ABCC10: variants seen among roughly 807,000 people sequenced by gnomAD.
ABCC10 encodes ATP binding cassette subfamily C member 10.
ABCC10 carries 110 observed loss-of-function variants against 143.2 expected under a neutral mutation model. The ratio of observed to expected loss-of-function variants is 0.77; its 90% confidence interval spans 0.66 to 0.90. The LOEUF is 0.90. Ranked by LOEUF, ABCC10 falls within the 40% of genes least tolerant of loss-of-function variation. The pLI is 0.00. For synonymous variants in ABCC10, 805 were observed against 846.7 expected (o/e 0.95, Z 0.85); for missense variants, 1,700 against 1,900.5 (o/e 0.89, Z 1.96).
Position 43,432,668 on chromosome 6 carries a change from G to A in ABCC10, c.688G>A (p.Ala230Thr), listed in dbSNP as rs147440117. 1.0e-4 allele frequency: 167 copies of A among 1,613,948 alleles called. No homozygotes were observed. The highest frequency in any genetic ancestry group is 1.6e-4 in the Middle Eastern group (1 of 6,062). Residue 230 changes from alanine to threonine, a missense_variant, in exon 3 of 22, where the codon GCA becomes ACA. By Grantham distance (58) the Ala-to-Thr change is moderately conservative. Coordinates refer to ENST00000372530, the MANE Select transcript of ABCC10 (RefSeq NM_001198934.2). ...GTCACGCTTTTCCTATGCCTGGCTG[G>A]CACCCTTGCTGGCCCGTGGGGCCTG... is the stretch of plus-strand genomic sequence containing the variant. ...WLSRFSYAWL[A>T]PLLARGACGE...
Position 43,447,297 on chromosome 6 carries a change from C to G in ABCC10, c.3594C>G (p.Leu1198=), listed in dbSNP as rs1485001681. 6.2e-7 allele frequency: 1 copy of G among 1,613,786 alleles called. No individual in the cohort carries two copies. Among genetic ancestry groups the G allele is most frequent in the Admixed American group, 1.7e-5 (1 of 60,018 alleles). Residue 1198 remains leucine (L), a synonymous_variant, in exon 17 of 22, where the codon CTC becomes CTG. Coordinates refer to ENST00000372530, the MANE Select transcript of ABCC10 (RefSeq NM_001198934.2). ...LSYALSLTGL[L]SGLVSSFTQT... ...ATGCCCTGTCCCTGACGGGCCTGCT[C>G]TCGGGCCTGGTGAGCAGCTTCACAC...
rs760073249 is a variant in ABCC10 at position 43,436,163 on chromosome 6, A to G, written c.1791A>G (p.Val597=). The G allele has an allele frequency of 3.0e-5, 49 of 1,614,172 alleles. No individual in the cohort carries two copies. The highest frequency in any genetic ancestry group is 3.7e-5 in the Non-Finnish European group (44 of 1,180,000). ...ATCCCCCTGCAGAGCCATCTACAGT[A>G]TTGGAGCTGCATGGAGCCTTGTTCT... is the stretch of plus-strand genomic sequence containing the variant. ...SPDPPAEPST[V]LELHGALFSW... Residue 597 remains valine (V), a synonymous_variant, in exon 6 of 22, where the codon GTA becomes GTG. Transcript: ENST00000372530.
In ABCC10 at chr6:43,434,405, G is replaced by A. The variant is rs1781463483; in HGVS notation, c.1381-216G>A. The A allele has an allele frequency of 7.6e-6, 4 of 523,362 alleles. No homozygotes were observed. In the South Asian group the frequency reaches 1.1e-4, roughly 14 times the overall value. The allele number at this position is 523,362 out of a possible 1,614,324, so 32.4% of individuals were successfully genotyped here. ...AGCTGGAGCAAATGGAGAAGTAAGA[G>A]ACTGGGAGGGGAAGCAACCCAGGGC... On this transcript the variant is annotated intron_variant, in intron 3 of 21. Coordinates refer to ENST00000372530, the MANE Select transcript of ABCC10 (RefSeq NM_001198934.2).
intron 6 of ABCC10, 44 bp from the exon 7 acceptor site, chr6:43,437,890 C>T: frequency 1.9e-6 from 3 of 1,587,600 alleles, no homozygotes; most frequent in Non-Finnish European, 2.6e-6. Flanking sequence ...CCACCTCTGT[C>T]CTGTCTCCTA....
chr6:43,428,690 CT>C (rs1780765462), intron 2 of ABCC10, among the ~76,000 whole-genome samples: 1 of 152,154 alleles, frequency 6.6e-6, no homozygotes. Context: ...CTAAACTCAA[CT>C]TGATTTTGTA....
At chr6:43,449,387 T>G in intron 20 of ABCC10, 35 bp from the exon 21 acceptor site, 1 of 1,582,516 alleles carries the variant, frequency 6.3e-7, no homozygotes, top group East Asian at 2.2e-5. Context: ...AGCCTCTCCT[T>G]CCTTCTTATC....
At chr6:43,450,565 C>G (rs375240175), downstream of ABCC10, 1 of 1,571,744 alleles carries the variant, frequency 6.4e-7, no homozygotes, top group Non-Finnish European at 8.6e-7. This position sits in a 1 kb window ranked among gnomAD's most constrained non-coding sequence, Gnocchi z 4.5. Flanking sequence ...TTTCCAGGCT[C>G]AGGGGGCAAG....
In ABCC10 at chr6:43,434,822, A is replaced by T; in HGVS notation, c.1582A>T (p.Met528Leu). 1 of 1,614,024 alleles carries T rather than the reference A, an allele frequency of 6.2e-7. No individual in the cohort carries two copies. Among genetic ancestry groups the T allele is most frequent in the East Asian group, 2.2e-5 (1 of 44,878 alleles). Reference protein sequence around the residue: ...SIVIFITYVLMGHQLTATKVF... With the variant: ...SIVIFITYVLLGHQLTATKVF... Reference sequence around the variant, plus strand: ...CGTTATCTTCATCACCTATGTCCTCATGGGGCACCAGCTCACTGCCACCAA... The same window carrying T: ...CGTTATCTTCATCACCTATGTCCTCTTGGGGCACCAGCTCACTGCCACCAA... Residue 528 changes from methionine to leucine, a missense_variant, in exon 4 of 22, where the codon ATG (methionine) becomes TTG (leucine). Coordinates refer to ENST00000372530, the MANE Select transcript of ABCC10 (RefSeq NM_001198934.2).
chr6:43,438,325 C>T, intron 7 of ABCC10: 1 of 1,403,696 alleles, frequency 7.1e-7, no homozygotes, highest in Non-Finnish European at 9.3e-7. Context: ...TGAGGGAGGA[C>T]CTTGTTTTCA....
At chr6:43,438,077 A>C in intron 7 of ABCC10, 64 bp downstream of exon 7, 2 of 1,530,266 alleles carry the variant, frequency 1.3e-6, no homozygotes, top group Non-Finnish European at 1.8e-6. Context: ...AGCCCCTCTT[A>C]TGTGTTGGAC....
chr6:43,439,724 C>T (rs1469013844), intron 8 of ABCC10, among the ~76,000 whole-genome samples: 1 of 152,154 alleles, frequency 6.6e-6, no homozygotes, highest in Non-Finnish European at 1.5e-5. Context: ...GCTGGGACTA[C>T]AGCTGCGTGC....
intron 13 of ABCC10, 64 bp downstream of exon 13, chr6:43,445,002 G>GAAT: frequency 6.3e-7 from 1 of 1,580,318 alleles, no homozygotes; most frequent in South Asian, 1.2e-5. Context: ...AGGGAGTGAG[G>GAAT]GTTGTGGCCG....
At chr6:43,434,434 A>G (rs1370199073) in intron 3 of ABCC10, 187 bp from the exon 4 acceptor site, 3 of 583,392 alleles carry the variant, frequency 5.1e-6, no homozygotes, top group Non-Finnish European at 9.0e-6. Flanking sequence ...CCAGGGCTGA[A>G]AAGGATTTGA....
chr6:43,443,878 A>C lies in ABCC10; in HGVS notation c.2417-55A>C, dbSNP rs959263280. On this transcript the variant is annotated intron_variant, in intron 10 of 21. Transcript: ENST00000372530. The surrounding 1 kb of genome is among the most constrained non-coding windows in gnomAD (Gnocchi z 4.2). ...GTGGGATCTGCACACGCACTGAGAA[A>C]GGCATAGTATAGACTCAGAACAGTC... The C allele has an allele frequency of 6.5e-7, 1 of 1,527,966 alleles. No homozygotes were observed. The highest frequency in any genetic ancestry group is 9.1e-7 in the Non-Finnish European group (1 of 1,101,578). 94.7% of individuals were successfully genotyped at this position (1,527,966 alleles called of 1,614,324 possible).
downstream of ABCC10, chr6:43,451,935 C>A: frequency 6.2e-7 from 1 of 1,614,068 alleles, no homozygotes; most frequent in Non-Finnish European, 8.5e-7. The surrounding 1 kb of genome is among the most constrained non-coding windows in gnomAD (Gnocchi z 4.4). Context: ...GGGCCCAGCA[C>A]TCACCCTGCC....
Position 43,447,288 on chromosome 6 carries a change from G to C in ABCC10, c.3585G>C (p.Thr1195=). 6.2e-7 allele frequency: 1 copy of C among 1,613,684 alleles called. No homozygotes were observed. The highest frequency in any genetic ancestry group is 8.5e-7 in the Non-Finnish European group (1 of 1,179,976). Residue 1195 remains threonine, a synonymous_variant, in exon 17 of 22, where the codon ACG becomes ACC. Transcript: ENST00000372530. ...GLSLSYALSL[T]GLLSGLVSSF... is the part of the protein sequence containing the mutation. Reference sequence around the variant, plus strand: ...CGCTGTCTTATGCCCTGTCCCTGACGGGCCTGCTCTCGGGCCTGGTGAGCA... The same window carrying C: ...CGCTGTCTTATGCCCTGTCCCTGACCGGCCTGCTCTCGGGCCTGGTGAGCA...
In ABCC10 at chr6:43,432,299, G is replaced by A. The variant is rs776555851; in HGVS notation, c.319G>A (p.Val107Met). 27 of 1,614,064 alleles carry A rather than the reference G, an allele frequency of 1.7e-5. No homozygotes were observed. Among genetic ancestry groups the A allele is most frequent in the East Asian group, 4.5e-5 (2 of 44,894 alleles). The stretch of plus-strand genomic sequence containing the variant: ...AGGGCTAGAGGTGTTGGCAGGGTGC[G>A]TGGCAGCTGTGGCCTGGATCAGCCA... The part of the protein sequence containing the change: ...PIGLEVLAGC[V>M]AAVAWISHSL... The change falls in exon 3 of 22, where the codon GTG becomes ATG. Residue 107 changes from valine (V) to methionine (M), a missense_variant. Transcript: ENST00000372530.
chr6:43,427,972 G>A lies in ABCC10; in HGVS notation c.-7G>A. 5 of 1,612,172 alleles carry A rather than the reference G, an allele frequency of 3.1e-6. No homozygotes were observed. The highest frequency in any genetic ancestry group is 4.2e-6 in the Non-Finnish European group (5 of 1,179,592). On this transcript the variant is annotated 5_prime_UTR_variant, in exon 2 of 22. Coordinates refer to ENST00000372530, the MANE Select transcript of ABCC10 (RefSeq NM_001198934.2). ...CACCCTCAACTTTCCCTTCAGGTGA[G>A]GCGTCCATGGAACGACTTCTGGCCC...
Position 43,428,134 on chromosome 6 carries a change from C to T in ABCC10, c.156C>T (p.Thr52=). The change falls in exon 2 of 22, where the codon ACC becomes ACT. Residue 52 remains threonine (T), a synonymous_variant. Transcript: ENST00000372530. ...TGCTCAGTGCCTGTTACTTGGGCACCCCGAGGTGGGTAGAGACGGGCGCAA... is the reference window on the plus strand; with the variant it reads ...TGCTCAGTGCCTGTTACTTGGGCACTCCGAGGTGGGTAGAGACGGGCGCAA... ...LAVLSACYLG[T]PRSPDYILPC... 1 of 1,535,222 alleles carries T rather than the reference C, an allele frequency of 6.5e-7. No individual in the cohort carries two copies. Among genetic ancestry groups the T allele is most frequent in the Non-Finnish European group, 8.8e-7 (1 of 1,142,686 alleles).
Sources: allele counts gnomAD v4.1 joint callset (sites outside exome capture counted in the v4.1 genomes callset), GRCh38; gene constraint gnomAD v4.1.1; non-coding constraint Gnocchi (gnomAD v3.1); transcripts MANE v1.5; gene names NCBI Gene and HGNC (gene_info 2026-07-23, HGNC 2026-07-21).